The following AGBL4 variants were observed in gnomAD, a reference collection of about 807,000 sequenced individuals.
AGBL4 encodes the protein AGBL carboxypeptidase 4, also known as cytosolic carboxypeptidase 6.
AGBL4 carries 58 observed loss-of-function variants against 66.4 expected under a neutral mutation model. The observed-to-expected ratio is 0.87, with a 90% CI of 0.71 to 1.09. AGBL4 has a LOEUF of 1.09. AGBL4 is among the 50% of genes least tolerant of loss of function. The probability of loss-of-function intolerance (pLI) is 0.00; values close to 1 mark genes in which losing one functional copy is unlikely to be tolerated. For missense variants in AGBL4, 579 were observed against 631.0 expected, an observed-to-expected ratio of 0.92 and a Z score of 0.88; for synonymous variants, 234 against 222.9, an observed-to-expected ratio of 1.05 and a Z score of -0.44.
chr1:49,352,524 GC>G (rs758634095), intron 3 of AGBL4, among the ~76,000 whole-genome samples: 1 of 151,774 alleles, frequency 6.6e-6, no homozygotes, highest in African/African-American at 2.4e-5. Flanking sequence ...AGTTTTAAAG[GC>G]CCCCCCTCCT....
chr1:49,748,654 T>A (rs1651195524), intron 2 of AGBL4, among the ~76,000 whole-genome samples: 1 of 152,214 alleles, frequency 6.6e-6, no homozygotes, highest in South Asian at 2.1e-4. Context: ...CTTCTCCACA[T>A]CCTCTCCAGC....
chr1:49,512,004 A>C (rs1189955923), intron 3 of AGBL4, among the ~76,000 whole-genome samples: 1 of 152,024 alleles, frequency 6.6e-6, no homozygotes, highest in Admixed American at 6.6e-5. Context: ...ATTAAATGAG[A>C]TATAGGATAT....
chr1:48,794,720 C>G (rs548477778), intron 6 of AGBL4, among the ~76,000 whole-genome samples: 1 of 152,294 alleles, frequency 6.6e-6, no homozygotes, highest in South Asian at 2.1e-4. Flanking sequence ...GTAGGCTCCA[C>G]TTCCTTGACC....
chr1:48,628,864 C>T (rs954687672), intron 9 of AGBL4, among the ~76,000 whole-genome samples: 11 of 124,604 alleles, frequency 8.8e-5, no homozygotes, highest in Admixed American at 7.0e-4. Flanking sequence ...TTCAGCCCCA[C>T]GTTTCCAAAG....
At chr1:49,883,022 G>A (rs925093976) in intron 1 of AGBL4, among the ~76,000 whole-genome samples, 2 of 151,968 alleles carry the variant, frequency 1.3e-5, no homozygotes, top group Non-Finnish European at 2.9e-5. Context: ...AATTTAACAT[G>A]GCTTTAATAA....
downstream of AGBL4, among the ~76,000 whole-genome samples, chr1:48,528,906 C>G (rs543920881): frequency 1.3e-5 from 2 of 151,962 alleles, no homozygotes; most frequent in Admixed American, 6.6e-5. Flanking sequence ...TCTATTTCCC[C>G]CTTCTCTTTT....
At chr1:49,829,122 C>A in intron 2 of AGBL4, among the ~76,000 whole-genome samples, 1 of 151,402 alleles carries the variant, frequency 6.6e-6, no homozygotes, top group Non-Finnish European at 1.5e-5. Context: ...CATATGTTAA[C>A]TGCTTGAATA....
At chr1:49,936,560 G>A (rs889104609) in intron 1 of AGBL4, among the ~76,000 whole-genome samples, 1 of 152,130 alleles carries the variant, frequency 6.6e-6, no homozygotes, top group Non-Finnish European at 1.5e-5. Context: ...TTGAAATGAA[G>A]GAAAAAATGT....
intron 6 of AGBL4, among the ~76,000 whole-genome samples, chr1:48,822,156 A>C (rs1558018871): frequency 6.6e-6 from 1 of 152,208 alleles, no homozygotes; most frequent in Non-Finnish European, 1.5e-5. Context: ...TTTCTTATAT[A>C]ATTGATTCTG....
intron 4 of AGBL4, among the ~76,000 whole-genome samples, chr1:49,079,578 G>T (rs1013267999): frequency 6.6e-6 from 1 of 152,078 alleles, no homozygotes; most frequent in Non-Finnish European, 1.5e-5. Context: ...GGGATTACAG[G>T]TCCCTCCCTT....
At chr1:49,978,535 ATAG>A (rs1402399140) in intron 1 of AGBL4, among the ~76,000 whole-genome samples, 1 of 152,242 alleles carries the variant, frequency 6.6e-6, no homozygotes, top group African/African-American at 2.4e-5. Flanking sequence ...ACAATTTAAA[ATAG>A]TAGTTACAGT....
intron 6 of AGBL4, among the ~76,000 whole-genome samples, chr1:48,809,304 C>T (rs184160604): frequency 5.9e-5 from 9 of 152,060 alleles, no homozygotes; most frequent in South Asian, 4.1e-4. Flanking sequence ...ATTTATAGAT[C>T]GGAAAAAGGT....
intron 9 of AGBL4, among the ~76,000 whole-genome samples, chr1:48,604,202 C>T (rs974428720): frequency 2.0e-5 from 3 of 152,026 alleles, no homozygotes; most frequent in African/African-American, 4.8e-5. Context: ...GAAGAAGCAT[C>T]CAAACATGAG....
At chr1:49,378,216 C>A (rs1349882576) in intron 3 of AGBL4, among the ~76,000 whole-genome samples, 1 of 151,948 alleles carries the variant, frequency 6.6e-6, no homozygotes, top group East Asian at 1.9e-4. Context: ...ATGAATAAGA[C>A]CTTAAAAAGA....
At chr1:49,681,201 G>A (rs1052790283) in intron 3 of AGBL4, among the ~76,000 whole-genome samples, 31 of 152,138 alleles carry the variant, frequency 2.0e-4, no homozygotes, top group Non-Finnish European at 3.2e-4. Context: ...TCATCTTAAT[G>A]TTGGTGTCTG....
chr1:49,605,760 C>T (rs1645052795), intron 3 of AGBL4, among the ~76,000 whole-genome samples: 1 of 151,466 alleles, frequency 6.6e-6, no homozygotes, highest in South Asian at 2.1e-4. Flanking sequence ...CTTATATGAC[C>T]AAGGGCCACT....
At chr1:49,689,909 T>C (rs1291737728) in intron 3 of AGBL4, among the ~76,000 whole-genome samples, 1 of 152,224 alleles carries the variant, frequency 6.6e-6, no homozygotes, top group African/African-American at 2.4e-5. Flanking sequence ...AGTAAAATGC[T>C]ATCAGAGAGC....
At chr1:48,551,724 C>T (rs1329834005) in intron 11 of AGBL4, among the ~76,000 whole-genome samples, 1 of 152,004 alleles carries the variant, frequency 6.6e-6, no homozygotes, top group East Asian at 1.9e-4. Context: ...GTTTCCTCTC[C>T]TGTAAAATTG....
intron 5 of AGBL4, among the ~76,000 whole-genome samples, chr1:49,010,752 C>T (rs1454318519): frequency 2.6e-5 from 4 of 151,486 alleles, no homozygotes; most frequent in Admixed American, 2.6e-4. Context: ...TGATCTTTGA[C>T]AAACCTGAGA....
Sources: allele counts gnomAD v4.1 joint callset (sites outside exome capture counted in the v4.1 genomes callset), GRCh38; gene constraint gnomAD v4.1.1; transcripts MANE v1.5; gene names NCBI Gene and HGNC (gene_info 2026-07-23, HGNC 2026-07-21).